SLC14A2: variants seen among roughly 807,000 people sequenced by gnomAD.
SLC14A2 encodes the protein urea transporter 2.
In SLC14A2, 91 loss-of-function variants were observed where a neutral mutation model predicts 104.6. The observed-to-expected ratio is 0.87, with a 90% CI of 0.73 to 1.04. SLC14A2 has a LOEUF of 1.04. Among genes scored for constraint, SLC14A2 ranks in the 50% least tolerant of loss-of-function variants. SLC14A2 has a pLI of 0.00. For missense variants in SLC14A2, 1,189 were observed against 1,156.0 expected, an observed-to-expected ratio of 1.03 and a Z score of -0.41; for synonymous variants, 476 against 466.4, an observed-to-expected ratio of 1.02 and a Z score of -0.27.
intron 2 of SLC14A2, among the ~76,000 whole-genome samples, chr18:45,577,560 C>A (rs1359454015): frequency 3.3e-5 from 5 of 152,162 alleles, no homozygotes. Context: ...TCCCTTAGAA[C>A]CCAGAAGCCT....
intron 1 of SLC14A2, among the ~76,000 whole-genome samples, chr18:45,235,730 C>A (rs1042654225): frequency 1.3e-5 from 2 of 150,712 alleles, no homozygotes; most frequent in African/African-American, 4.9e-5. Flanking sequence ...CGGCCTCATC[C>A]ATGTTGCTGC....
chr18:45,516,003 A>G (rs1393193708), intron 2 of SLC14A2, among the ~76,000 whole-genome samples: 13 of 152,222 alleles, frequency 8.5e-5, no homozygotes. Context: ...AGTATTAATA[A>G]CTATTTGAGT....
chr18:45,341,992 A>G (rs1398925706), intron 1 of SLC14A2, among the ~76,000 whole-genome samples: 1 of 152,200 alleles, frequency 6.6e-6, no homozygotes, highest in Non-Finnish European at 1.5e-5. Context: ...GTTGTTCACC[A>G]TAAATTTAAT....
At position 45,673,445 on chromosome 18, in the gene SLC14A2, G is replaced by T. The variant is rs567423242; in HGVS notation, c.2378-238G>T. 3.0e-4 allele frequency among the ~76,000 whole-genome samples: 46 copies of T among 152,338 alleles called. 1 individual carries two copies. Among genetic ancestry groups the T allele is most frequent in the Non-Finnish European group, 5.7e-4 (39 of 68,042 alleles). On this transcript the variant is annotated intron_variant, in intron 17 of 19. Transcript: ENST00000255226. The stretch of plus-strand genomic sequence containing the variant: ...TCTGGACTGTTTAAATCAGACTTCT[G>T]TCCTTACTCAAAGAATCTCTTCAAC...
rs150512573 is a variant in SLC14A2 at position 45,482,092 on chromosome 18, A to G, written c.-124-1141A>G. ...AATCCTAACAGAAAGTGATTGGGGA[A>G]TAACATACCAAAAGCTTTAAAAAAA... On this transcript the variant is annotated intron_variant, in intron 1 of 20. Coordinates refer to the SLC14A2 transcript ENST00000586448. Among the ~76,000 whole-genome samples the G allele has an allele frequency of 3.2e-3, 494 of 152,310 alleles. 4 individuals are homozygous for G. The highest frequency in any genetic ancestry group is 0.011 in the African/African-American group (457 of 41,570).
chr18:45,534,679 TG>T (rs1231830227), intron 2 of SLC14A2, among the ~76,000 whole-genome samples: 1 of 152,120 alleles, frequency 6.6e-6, no homozygotes, highest in African/African-American at 2.4e-5. Flanking sequence ...TGAGCCTTCG[TG>T]GAGGATATGG....
intron 1 of SLC14A2, among the ~76,000 whole-genome samples, chr18:45,453,684 AGT>A (rs2086892156): frequency 6.6e-6 from 1 of 152,030 alleles, no homozygotes; most frequent in Non-Finnish European, 1.5e-5. Flanking sequence ...GCCTAAGGCT[AGT>A]GTCATTCTGC....
intron 1 of SLC14A2, among the ~76,000 whole-genome samples, chr18:45,342,409 T>A (rs1287976046): frequency 1.3e-5 from 2 of 152,064 alleles, no homozygotes; most frequent in Non-Finnish European, 1.5e-5. Flanking sequence ...AGACAGCAGA[T>A]CTGTGTAGCT....
chr18:45,579,342 GA>G (rs1236213072), intron 2 of SLC14A2, among the ~76,000 whole-genome samples: 1 of 152,152 alleles, frequency 6.6e-6, no homozygotes, highest in Non-Finnish European at 1.5e-5. Flanking sequence ...TACAAATATA[GA>G]GATCTTTGAA....
In SLC14A2 at chr18:45,328,320, GT is replaced by G. The variant is rs1391478408; in HGVS notation, c.-125+115130del. ...TCAGGGTATGCTGCTTGTGGCTCAA[GT>G]AGGAGGTCTGTGTTTATTATCACTG... On this transcript the variant is annotated intron_variant, in intron 1 of 20. Coordinates refer to the SLC14A2 transcript ENST00000586448. Among the ~76,000 whole-genome samples the G allele has an allele frequency of 4.6e-5, 7 of 152,304 alleles. No homozygotes were observed. The East Asian group carries it at 9.7e-4, about 21-fold the overall frequency.
At chr18:45,301,053 A>G (rs1286054091) in intron 1 of SLC14A2, among the ~76,000 whole-genome samples, 2 of 152,218 alleles carry the variant, frequency 1.3e-5, no homozygotes, top group African/African-American at 2.4e-5. Flanking sequence ...GCGACTTCCT[A>G]TATAAGCAGA....
chr18:45,471,385 A>G (rs191946281), intron 1 of SLC14A2, among the ~76,000 whole-genome samples: 1 of 151,960 alleles, frequency 6.6e-6, no homozygotes, highest in East Asian at 1.9e-4. Flanking sequence ...TTCTGTATCA[A>G]TTTTTCCTGA....
chr18:45,184,483 C>G, the SLC14A2 span, among the ~76,000 whole-genome samples: 1 of 152,152 alleles, frequency 6.6e-6, no homozygotes, highest in Non-Finnish European at 1.5e-5. Context: ...AGACACAGTA[C>G]TTAATTATTT....
At chr18:45,204,262 T>C in the SLC14A2 span, among the ~76,000 whole-genome samples, 1 of 152,170 alleles carries the variant, frequency 6.6e-6, no homozygotes, top group African/African-American at 2.4e-5. Flanking sequence ...AGAGGACATA[T>C]TTACAGCTCT....
intron 1 of SLC14A2, among the ~76,000 whole-genome samples, chr18:45,272,891 G>A (rs1484948693): frequency 6.6e-6 from 1 of 151,994 alleles, no homozygotes; most frequent in Non-Finnish European, 1.5e-5. Flanking sequence ...CACCTACTGT[G>A]CACACACAAA....
chr18:45,270,844 G>C (rs571404997), intron 1 of SLC14A2, among the ~76,000 whole-genome samples: 1 of 152,120 alleles, frequency 6.6e-6, no homozygotes, highest in African/African-American at 2.4e-5. Context: ...CTGGACTCTA[G>C]CTCAGCCTAA....
At chr18:45,448,716 A>G (rs936737451) in intron 1 of SLC14A2, among the ~76,000 whole-genome samples, 1 of 152,112 alleles carries the variant, frequency 6.6e-6, no homozygotes, top group Admixed American at 6.5e-5. Flanking sequence ...CTGGGTGCAT[A>G]TCTCACTGGC....
At position 45,678,981 on chromosome 18, in the gene SLC14A2, T is replaced by C; in HGVS notation, c.2519T>C (p.Phe840Ser). The C allele has an allele frequency of 6.2e-7, 1 of 1,605,992 alleles. No homozygotes were observed. Among genetic ancestry groups the C allele is most frequent in the Non-Finnish European group, 8.5e-7 (1 of 1,177,154 alleles). Residue 840 changes from phenylalanine to serine, a missense_variant, in exon 19 of 20, where the codon TTT (phenylalanine) becomes TCT (serine). Coordinates refer to ENST00000255226, the MANE Select transcript of SLC14A2 (RefSeq NM_007163.4). ...TTTTTTTTTTTTTTTCTAGCACTGT[T>C]TGCTGCCTACCTGGGTGCTGCCCTG... ...THLLAIACALFAAYLGAALAN... is the reference protein window; with the variant it reads ...THLLAIACALSAAYLGAALAN...
chr18:45,577,595 A>G (rs1346594368), intron 2 of SLC14A2, among the ~76,000 whole-genome samples: 1 of 152,120 alleles, frequency 6.6e-6, no homozygotes, highest in Non-Finnish European at 1.5e-5. Context: ...GCTAAATCCA[A>G]TTGCCCATCT....
Sources: gnomAD v4.1 joint callset for allele counts (sites outside exome capture counted in the v4.1 genomes callset) on GRCh38, gnomAD v4.1.1 for gene constraint, MANE v1.5 for transcripts, NCBI Gene and HGNC (gene_info 2026-07-23, HGNC 2026-07-21) for gene names.